The following GAD1 variants were observed in gnomAD, a reference collection of about 807,000 sequenced individuals.
GAD1 encodes the protein 67 kDa glutamic acid decarboxylase.
Under a neutral mutation model 75.2 loss-of-function variants are expected in GAD1, and 35 were observed. The observed-to-expected ratio is 0.47, with a 90% confidence interval of 0.36 to 0.62. The LOEUF (loss-of-function observed/expected upper bound fraction) is 0.62, where lower values mean the gene tolerates loss of function less well. GAD1 is among the 20% of genes least tolerant of loss of function. The pLI, the probability that GAD1 is intolerant of heterozygous loss-of-function variation, is 0.00. For missense variants in GAD1, 490 were observed against 758.5 expected (o/e 0.65, Z 4.16); for synonymous variants, 257 against 271.9 (o/e 0.95, Z 0.54).
chr2:170,835,796 A>C (rs1239230106), intron 5 of GAD1, among the ~76,000 whole-genome samples: 1 of 152,216 alleles, frequency 6.6e-6, no homozygotes, highest in African/African-American at 2.4e-5. Flanking sequence ...GTTTCAAAAG[A>C]CCTCAGATTC....
In GAD1 at chr2:170,858,825, T is replaced by G. The variant is rs1203023837; in HGVS notation, c.1543T>G (p.Phe515Val). 5 of 1,614,080 alleles carry G rather than the reference T, an allele frequency of 3.1e-6. No individual in the cohort carries two copies. Residue 515 changes from phenylalanine to valine, a missense_variant, in exon 16 of 17, where the codon TTT becomes GTT. Physicochemically the swap from Phe to Val is conservative, Grantham distance 50. Coordinates refer to ENST00000358196, the MANE Select transcript of GAD1 (RefSeq NM_000817.3). Reference sequence around the variant, plus strand: ...GCAGCCTGAGCACACAAACGTCTGTTTTTGGTATATTCCACAAAGCCTCAG... The same window carrying G: ...GCAGCCTGAGCACACAAACGTCTGTGTTTGGTATATTCCACAAAGCCTCAG... ...NGEPEHTNVC[F>V]WYIPQSLRGV...
At position 170,818,691 on chromosome 2, in the gene GAD1, T is replaced by G. The variant is rs768804571; in HGVS notation, c.82+18T>G. 1.2e-6 allele frequency: 2 copies of G among 1,612,768 alleles called. No homozygotes were observed. The highest frequency in any genetic ancestry group is 2.7e-5 in the African/African-American group (2 of 74,840). ...CCCCACAAGTAGGTCCCGCCCCAAT[T>G]TTCTATCAAATGAACTGCAGGGAAG... On this transcript the variant is annotated intron_variant, in intron 2 of 16. Coordinates refer to ENST00000358196, the MANE Select transcript of GAD1 (RefSeq NM_000817.3). This position sits in a 1 kb window ranked among gnomAD's most constrained non-coding sequence, Gnocchi z 5.9.
intron 3 of GAD1, among the ~76,000 whole-genome samples, chr2:170,828,386 T>A (rs973401792): frequency 4.1e-5 from 5 of 121,654 alleles, no homozygotes; most frequent in Non-Finnish European, 8.4e-5. Context: ...GTCCTCACCC[T>A]CCTCCCTCTG....
At chr2:170,846,185 T>A in intron 10 of GAD1, 122 bp downstream of exon 10, 1 of 873,356 alleles carries the variant, frequency 1.1e-6, no homozygotes. Context: ...ATTCTTCAAA[T>A]TTGCTTATTT....
chr2:170,819,213 G>A (rs1298922657), intron 2 of GAD1, among the ~76,000 whole-genome samples: 1 of 152,114 alleles, frequency 6.6e-6, no homozygotes, highest in Non-Finnish European at 1.5e-5. Flanking sequence ...TGACGAGTTA[G>A]GGAGAAGTCA....
intron 12 of GAD1, among the ~76,000 whole-genome samples, chr2:170,852,153 A>G (rs1702754518): frequency 6.6e-6 from 1 of 152,220 alleles, no homozygotes; most frequent in Non-Finnish European, 1.5e-5. Flanking sequence ...TTTGGGTAAT[A>G]TATTTAACCT....
At chr2:170,839,554 C>CAGTGA (rs1559279313) in intron 6 of GAD1, among the ~76,000 whole-genome samples, 1 of 150,242 alleles carries the variant, frequency 6.7e-6, no homozygotes, top group Non-Finnish European at 1.5e-5. Context: ...GTAGAGGTTG[C>CAGTGA]AGTGAGCTGA....
At chr2:170,852,911 T>C in intron 13 of GAD1, 119 bp downstream of exon 13, 2 of 834,848 alleles carry the variant, frequency 2.4e-6, no homozygotes, top group Non-Finnish European at 4.1e-6. Flanking sequence ...GCAGCCCCAC[T>C]GAGAGACTAC....
At chr2:170,820,185 G>C (rs1264873059) in intron 2 of GAD1, among the ~76,000 whole-genome samples, 1 of 152,036 alleles carries the variant, frequency 6.6e-6, no homozygotes, top group East Asian at 1.9e-4. Context: ...GGGGTGGGGG[G>C]TTAGCGGGCA....
At chr2:170,833,417 A>G (rs1559276406) in intron 5 of GAD1, among the ~76,000 whole-genome samples, 2 of 152,250 alleles carry the variant, frequency 1.3e-5, no homozygotes, top group Non-Finnish European at 2.9e-5. Context: ...ATCAATTTAC[A>G]TTTAGTTACT....
At chr2:170,832,480 A>G (rs1702255667) in intron 5 of GAD1, among the ~76,000 whole-genome samples, 1 of 152,178 alleles carries the variant, frequency 6.6e-6, no homozygotes, top group African/African-American at 2.4e-5. Context: ...CCTCATCTTA[A>G]CATGATTACA....
chr2:170,845,555 C>T lies in GAD1; in HGVS notation c.801C>T (p.Tyr267=). The change falls in exon 8 of 17, where the codon TAC becomes TAT. Residue 267 remains tyrosine, a synonymous_variant. Coordinates refer to ENST00000358196, the MANE Select transcript of GAD1 (RefSeq NM_000817.3). The part of the protein sequence containing the change: ...MYSIMAARYK[Y]FPEVKTKGMA... Reference sequence around the variant, plus strand: ...GCATCATGGCTGCTCGCTACAAGTACTTCCCGGAAGTTAAGACAAAGGGCA... The same window carrying T: ...GCATCATGGCTGCTCGCTACAAGTATTTCCCGGAAGTTAAGACAAAGGGCA... 2 of 1,614,130 alleles carry T rather than the reference C, an allele frequency of 1.2e-6. No individual in the cohort carries two copies. The highest frequency in any genetic ancestry group is 1.7e-6 in the Non-Finnish European group (2 of 1,180,022).
chr2:170,835,199 G>A (rs920188796), intron 5 of GAD1, among the ~76,000 whole-genome samples: 16 of 152,078 alleles, frequency 1.1e-4, no homozygotes, highest in Non-Finnish European at 1.9e-4. Context: ...TATCATGAAC[G>A]TCATAAATGC....
In GAD1 at chr2:170,858,795, T is replaced by C; in HGVS notation, c.1522-9T>C. The C allele has an allele frequency of 6.2e-7, 1 of 1,613,764 alleles. No individual in the cohort carries two copies. The highest frequency in any genetic ancestry group is 2.2e-5 in the East Asian group (1 of 44,888). On this transcript the variant is annotated splice_polypyrimidine_tract_variant and intron_variant, in intron 15 of 16. Transcript: ENST00000358196. ...AATTTTCTTTGTTTGTCTTTTAAAA[T>C]CTCTGCAGCCTGAGCACACAAACGT... is the stretch of plus-strand genomic sequence containing the variant.
intron 7 of GAD1, chr2:170,845,201 C>T: frequency 2.2e-6 from 1 of 450,678 alleles, no homozygotes; most frequent in Non-Finnish European, 4.1e-6. Context: ...TATCCCTTTG[C>T]AGCCACTGAT....
At chr2:170,834,424 G>A (rs1405495264) in intron 5 of GAD1, among the ~76,000 whole-genome samples, 1 of 151,592 alleles carries the variant, frequency 6.6e-6, no homozygotes, top group Non-Finnish European at 1.5e-5. Context: ...GATGATGATG[G>A]CATTTAGAAA....
At chr2:170,851,579 G>T (rs990921258) in intron 12 of GAD1, among the ~76,000 whole-genome samples, 1 of 152,158 alleles carries the variant, frequency 6.6e-6, no homozygotes, top group African/African-American at 2.4e-5. Flanking sequence ...CACAACAAGG[G>T]TTTAGCTCTA....
In GAD1 at chr2:170,818,542, C is replaced by T. The variant is rs985903091; in HGVS notation, c.-50C>T. ...TTCTCTTTGCAGCCTGTTTCTGCGCCGGACCAGTCGAGGACTCTGGACAGT... is the reference window on the plus strand; with the variant it reads ...TTCTCTTTGCAGCCTGTTTCTGCGCTGGACCAGTCGAGGACTCTGGACAGT... On this transcript the variant is annotated 5_prime_UTR_variant, in exon 2 of 17. Transcript: ENST00000358196. The surrounding 1 kb of genome is among the most constrained non-coding windows in gnomAD (Gnocchi z 5.9). 3 of 1,535,288 alleles carry T rather than the reference C, an allele frequency of 2.0e-6. No homozygotes were observed. The highest frequency in any genetic ancestry group is 1.4e-5 in the African/African-American group (1 of 73,416).
rs1237089311 is a variant in GAD1, at chr2:170,828,873, T to A, written c.146-602T>A. 2.5e-5 allele frequency: 5 copies of A among 197,458 alleles called. No individual in the cohort carries two copies. The South Asian group carries it at 3.3e-4, about 13-fold the overall frequency. 12.2% of individuals were successfully genotyped at this position (197,458 alleles called of 1,614,324 possible). A position where few individuals can be genotyped will look rare whatever the true frequency, so the allele number is the denominator to read the frequency against. ...CCTCGCCTTCCTCCCTCTGCGGTCC[T>A]TGCTCTCCTCCCTCTGTGGTCCTCA... On this transcript the variant is annotated intron_variant, in intron 3 of 16. Transcript: ENST00000358196.
Sources: gnomAD v4.1 joint callset for allele counts (sites outside exome capture counted in the v4.1 genomes callset) on GRCh38, gnomAD v4.1.1 for gene constraint, Gnocchi (gnomAD v3.1) non-coding constraint, MANE v1.5 for transcripts, NCBI Gene and HGNC (gene_info 2026-07-23, HGNC 2026-07-21) for gene names.